The following UBASH3B variants were observed in gnomAD, a reference collection of about 807,000 sequenced individuals.
The protein encoded by UBASH3B is ubiquitin associated and SH3 domain containing B.
A neutral mutation model predicts 83.4 loss-of-function variants in UBASH3B; 37 were observed. The ratio of observed to expected loss-of-function variants is 0.44; its 90% CI spans 0.34 to 0.58. UBASH3B has a LOEUF of 0.58. UBASH3B is among the 20% of genes least tolerant of loss of function. The pLI is 0.01. For missense variants in UBASH3B, 657 were observed against 827.2 expected (o/e 0.79, Z 2.52); for synonymous variants, 304 against 318.3 (o/e 0.96, Z 0.48).
intron 1 of UBASH3B, among the ~76,000 whole-genome samples, chr11:122,678,645 C>A (rs184732987): frequency 6.6e-6 from 1 of 152,130 alleles, no homozygotes; most frequent in African/African-American, 2.4e-5. Context: ...TTTTCAGGAG[C>A]TGATTGACCC....
chr11:122,664,755 ACTGT>A (rs1193098495), intron 1 of UBASH3B, among the ~76,000 whole-genome samples: 3 of 152,204 alleles, frequency 2.0e-5, no homozygotes, highest in Non-Finnish European at 2.9e-5. Flanking sequence ...ACATCCAGAA[ACTGT>A]CTGAGCTCTT....
At position 122,813,552 on chromosome 11, in the gene UBASH3B, A is replaced by G. The variant is rs961661903; in HGVS notation, c.*3666A>G. 3 of 152,220 alleles carry G rather than the reference A, an allele frequency of 2.0e-5. No homozygotes were observed. Among genetic ancestry groups the G allele is most frequent in the African/African-American group, 7.2e-5 (3 of 41,452 alleles). 9.4% of individuals were successfully genotyped at this position (152,220 alleles called of 1,614,324 possible). A position where few individuals can be genotyped will look rare whatever the true frequency, so the allele number is the denominator to read the frequency against. ...AGGCAACTGTTACTGAGTCTGCACG[A>G]ACTTAGATAATGAGGTGCAGGGTTA... On this transcript the variant is annotated 3_prime_UTR_variant, in exon 14 of 14. Coordinates refer to ENST00000284273, the MANE Select transcript of UBASH3B (RefSeq NM_032873.5).
At chr11:122,698,195 G>A (rs1863987887) in intron 1 of UBASH3B, among the ~76,000 whole-genome samples, 2 of 152,192 alleles carry the variant, frequency 1.3e-5, no homozygotes, top group Admixed American at 6.5e-5. Context: ...TTCTCTTAGA[G>A]TTGGAATTCT....
chr11:122,663,182 G>T lies in UBASH3B; in HGVS notation c.161+6972G>T, dbSNP rs1863469109. ...AATAGAGACATGATTTCACCATGTT[G>T]CCCAGGCTAGTCTCGAATTCCTGAG... On this transcript the variant is annotated intron_variant, in intron 1 of 13. Coordinates refer to ENST00000284273, the MANE Select transcript of UBASH3B (RefSeq NM_032873.5). Among the ~76,000 whole-genome samples the T allele has an allele frequency of 2.6e-5, 4 of 152,160 alleles. No homozygotes were observed. In the South Asian group the frequency reaches 8.3e-4, roughly 32 times the overall value.
At chr11:122,746,797 GAT>G (rs1427343009) in intron 1 of UBASH3B, among the ~76,000 whole-genome samples, 3 of 152,212 alleles carry the variant, frequency 2.0e-5, no homozygotes, top group Non-Finnish European at 4.4e-5. Flanking sequence ...AAGTTAAACA[GAT>G]ATGGAGTCTT....
At chr11:122,709,448 G>C (rs1864163382) in intron 1 of UBASH3B, 1 of 152,224 alleles carries the variant, frequency 6.6e-6, no homozygotes, top group South Asian at 2.1e-4. Context: ...GTGAGCCGCT[G>C]TAGAAGCCAG....
intron 1 of UBASH3B, among the ~76,000 whole-genome samples, chr11:122,733,924 C>T (rs933305905): frequency 3.9e-5 from 6 of 152,120 alleles, no homozygotes; most frequent in South Asian, 4.2e-4. Context: ...CTCACTCTGT[C>T]GCCCAGGCTG....
chr11:122,674,476 G>A (rs999237862), intron 1 of UBASH3B, among the ~76,000 whole-genome samples: 5 of 151,138 alleles, frequency 3.3e-5, no homozygotes, highest in African/African-American at 9.8e-5. Context: ...CGCCTCCCCG[G>A]TTCACGCCAT....
intron 1 of UBASH3B, among the ~76,000 whole-genome samples, chr11:122,679,271 C>T (rs893219428): frequency 3.3e-5 from 5 of 152,218 alleles, no homozygotes; most frequent in Admixed American, 6.5e-5. Flanking sequence ...GGTGCACCAA[C>T]GCAGTGTATT....
At chr11:122,742,628 C>G (rs543416343) in intron 1 of UBASH3B, among the ~76,000 whole-genome samples, 2 of 152,358 alleles carry the variant, frequency 1.3e-5, no homozygotes, top group African/African-American at 4.8e-5. Flanking sequence ...GACATCCCCA[C>G]TCTCCCCTCC....
At chr11:122,741,806 TC>T (rs1345776312) in intron 1 of UBASH3B, among the ~76,000 whole-genome samples, 1 of 151,982 alleles carries the variant, frequency 6.6e-6, no homozygotes, top group Admixed American at 6.6e-5. Context: ...CCTTTGCTCT[TC>T]CCCCCTCCCT....
At chr11:122,744,982 G>C (rs995151621) in intron 1 of UBASH3B, among the ~76,000 whole-genome samples, 2 of 151,988 alleles carry the variant, frequency 1.3e-5, no homozygotes, top group African/African-American at 4.8e-5. Flanking sequence ...CCTTGCAGGG[G>C]ACCAGCCTGG....
chr11:122,774,850 A>G (rs937671350), intron 1 of UBASH3B, among the ~76,000 whole-genome samples: 1 of 151,974 alleles, frequency 6.6e-6, no homozygotes, highest in Non-Finnish European at 1.5e-5. Flanking sequence ...CACATCAACG[A>G]CCACCACGCG....
intron 1 of UBASH3B, among the ~76,000 whole-genome samples, chr11:122,697,956 A>G (rs1362622642): frequency 6.6e-6 from 1 of 152,202 alleles, no homozygotes; most frequent in Admixed American, 6.5e-5. Context: ...AGTTAAGAGC[A>G]CTGGGGCGTG....
At chr11:122,720,601 T>C (rs1860608705) in intron 1 of UBASH3B, among the ~76,000 whole-genome samples, 1 of 152,196 alleles carries the variant, frequency 6.6e-6, no homozygotes, top group Non-Finnish European at 1.5e-5. Context: ...TTTCCTAGCA[T>C]GTACCTCCTT....
At chr11:122,722,862 T>A (rs12284505) in intron 1 of UBASH3B, among the ~76,000 whole-genome samples, 6,772 of 152,124 alleles carry the variant, frequency 0.045, 392 homozygotes, top group African/African-American at 0.13. Context: ...CCCGCAACCA[T>A]GCCTGGCTAA....
In UBASH3B at chr11:122,694,177, T is replaced by C. The variant is rs1158213618; in HGVS notation, c.161+37967T>C. 2.6e-5 allele frequency among the ~76,000 whole-genome samples: 4 copies of C among 152,030 alleles called. No homozygotes were observed. In the East Asian group the frequency reaches 7.8e-4, roughly 29 times the overall value. ...GAGGGGCTCAGTTCAGAGCCTATTA[T>C]CTTTAAAACCTCTCTAGTACTTGTT... On this transcript the variant is annotated intron_variant, in intron 1 of 13. Coordinates refer to ENST00000284273, the MANE Select transcript of UBASH3B (RefSeq NM_032873.5).
chr11:122,755,169 C>T (rs960661257), intron 1 of UBASH3B, among the ~76,000 whole-genome samples: 5 of 152,046 alleles, frequency 3.3e-5, no homozygotes, highest in Non-Finnish European at 7.4e-5. Context: ...CAATGATGCC[C>T]CAGAGCTCTT....
At chr11:122,719,114 G>T (rs1860579812) in intron 1 of UBASH3B, among the ~76,000 whole-genome samples, 1 of 152,234 alleles carries the variant, frequency 6.6e-6, no homozygotes. Flanking sequence ...GATTACGTTA[G>T]ATTGGTGATG....
Sources: allele counts gnomAD v4.1 joint callset (sites outside exome capture counted in the v4.1 genomes callset), GRCh38; gene constraint gnomAD v4.1.1; transcripts MANE v1.5; gene names NCBI Gene and HGNC (gene_info 2026-07-23, HGNC 2026-07-21).